LRMDA: variants seen among roughly 807,000 people sequenced by gnomAD.
LRMDA encodes leucine rich melanocyte differentiation associated, also known as leucine-rich melanocyte differentiation-associated protein.
Under a neutral mutation model 29.8 loss-of-function variants are expected in LRMDA, and 18 were observed. That is an observed-to-expected ratio of 0.60 (90% CI 0.42 to 0.90). LRMDA has a LOEUF of 0.90. Ranked by LOEUF, LRMDA falls within the 40% of genes least tolerant of loss-of-function variation. The probability of loss-of-function intolerance (pLI) is 0.00; values close to 1 mark genes in which losing one functional copy is unlikely to be tolerated. For missense variants in LRMDA, 273 were observed against 273.9 expected (o/e 1.00, Z 0.02); for synonymous variants, 125 against 109.4 (o/e 1.14, Z -0.89).
At chr10:75,922,792 C>T (rs147850994) in intron 2 of LRMDA, among the ~76,000 whole-genome samples, 2 of 152,132 alleles carry the variant, frequency 1.3e-5, no homozygotes, top group Admixed American at 6.5e-5. Flanking sequence ...CTGGATCTTA[C>T]CAAAGTACTC....
intron 2 of LRMDA, among the ~76,000 whole-genome samples, chr10:75,467,436 G>A (rs1844666452): frequency 6.6e-6 from 1 of 152,192 alleles, no homozygotes; most frequent in South Asian, 2.1e-4. Flanking sequence ...AGGTGTTTGA[G>A]AAGAAGAAGA....
intron 6 of LRMDA, among the ~76,000 whole-genome samples, chr10:76,400,204 A>G (rs1841834176): frequency 6.6e-6 from 1 of 152,290 alleles, no homozygotes; most frequent in Non-Finnish European, 1.5e-5. Flanking sequence ...CCAGTAAGGA[A>G]CTATGGCCCT....
intron 2 of LRMDA, among the ~76,000 whole-genome samples, chr10:75,511,316 T>C (rs1419988521): frequency 6.6e-6 from 1 of 151,900 alleles, no homozygotes; most frequent in Non-Finnish European, 1.5e-5. Context: ...GCCTGGGCAA[T>C]AGAGTGAGAC....
chr10:76,389,737 G>A (rs1379704295), intron 6 of LRMDA, among the ~76,000 whole-genome samples: 3 of 142,598 alleles, frequency 2.1e-5, no homozygotes, highest in Non-Finnish European at 4.4e-5. Flanking sequence ...GTGGACTTTT[G>A]TGCTTACTTA....
intron 6 of LRMDA, among the ~76,000 whole-genome samples, chr10:76,377,508 G>T (rs1208267069): frequency 1.3e-5 from 2 of 152,022 alleles, no homozygotes; most frequent in Non-Finnish European, 2.9e-5. Flanking sequence ...TTTCTTCTAG[G>T]GTTTTAATAG....
At chr10:75,971,698 G>A (rs1846974083) in intron 2 of LRMDA, among the ~76,000 whole-genome samples, 1 of 152,012 alleles carries the variant, frequency 6.6e-6, no homozygotes, top group South Asian at 2.1e-4. Context: ...TGTTTTTTTA[G>A]TTGCTATTAG....
At chr10:75,742,095 G>A (rs1348939752) in intron 2 of LRMDA, among the ~76,000 whole-genome samples, 5 of 152,300 alleles carry the variant, frequency 3.3e-5, no homozygotes, top group Non-Finnish European at 4.4e-5. Context: ...AGCCACCAGT[G>A]TATGGTGCTT....
intron 2 of LRMDA, among the ~76,000 whole-genome samples, chr10:75,671,800 A>G (rs1841894335): frequency 6.6e-6 from 1 of 152,076 alleles, no homozygotes; most frequent in African/African-American, 2.4e-5. Context: ...AATTAAAAAA[A>G]CCCCTAAGCC....
intron 5 of LRMDA, among the ~76,000 whole-genome samples, chr10:76,167,964 T>G (rs535414235): frequency 3.9e-5 from 6 of 152,268 alleles, no homozygotes; most frequent in African/African-American, 1.4e-4. Context: ...TTTAGAGGTC[T>G]TTCACTTCCC....
At chr10:76,027,499 A>C (rs1030443189) in intron 2 of LRMDA, among the ~76,000 whole-genome samples, 1 of 152,186 alleles carries the variant, frequency 6.6e-6, no homozygotes, top group Non-Finnish European at 1.5e-5. Context: ...TATCTGGGAG[A>C]TATAGATAGG....
intron 2 of LRMDA, among the ~76,000 whole-genome samples, chr10:75,835,027 C>T (rs1436229475): frequency 1.3e-5 from 2 of 152,220 alleles, no homozygotes; most frequent in African/African-American, 4.8e-5. Context: ...TTTGTTACAG[C>T]AGCACTCTAT....
Position 75,957,895 on chromosome 10 carries a change from G to A in LRMDA, c.132-78113G>A, listed in dbSNP as rs188183813. On this transcript the variant is annotated intron_variant, in intron 2 of 6. Transcript: ENST00000611255. ...GTATATGTAATAAATAGCTGTGCTC[G>A]GGTTTGACCTCTCCCTTACCAGACA... Among the ~76,000 whole-genome samples the A allele has an allele frequency of 4.1e-3, 624 of 152,234 alleles. 7 individuals carry two copies. The highest frequency in any genetic ancestry group is 8.0e-3 in the Admixed American group (122 of 15,292).
At chr10:76,076,079 C>T (rs1026641944) in intron 5 of LRMDA, among the ~76,000 whole-genome samples, 9 of 152,150 alleles carry the variant, frequency 5.9e-5, no homozygotes, top group Non-Finnish European at 1.0e-4. Flanking sequence ...CGCGGTGGCT[C>T]ATGCCTGTAA....
intron 2 of LRMDA, among the ~76,000 whole-genome samples, chr10:75,935,302 T>G (rs1846270442): frequency 6.6e-6 from 1 of 152,116 alleles, no homozygotes; most frequent in Admixed American, 6.5e-5. Context: ...GAACAATGAT[T>G]GTGTGGTTGA....
At chr10:75,601,962 G>T (rs1840891890) in intron 2 of LRMDA, among the ~76,000 whole-genome samples, 1 of 152,104 alleles carries the variant, frequency 6.6e-6, no homozygotes, top group African/African-American at 2.4e-5. Flanking sequence ...TTCTTAATGA[G>T]AAAAATACTC....
chr10:76,105,258 A>G (rs1285647545), intron 5 of LRMDA, among the ~76,000 whole-genome samples: 1 of 152,020 alleles, frequency 6.6e-6, no homozygotes, highest in Non-Finnish European at 1.5e-5. Context: ...TAGAATTTAA[A>G]CTCCAAAAGG....
chr10:76,217,934 A>G (rs376172058), intron 5 of LRMDA, among the ~76,000 whole-genome samples: 25 of 152,236 alleles, frequency 1.6e-4, no homozygotes, highest in African/African-American at 6.0e-4. Context: ...TCAAGCTTCT[A>G]CCAGAATCCA....
chr10:76,433,394 C>G (rs1043945962), intron 6 of LRMDA, among the ~76,000 whole-genome samples: 1 of 152,140 alleles, frequency 6.6e-6, no homozygotes, highest in South Asian at 2.1e-4. Flanking sequence ...GGAGCCAGAA[C>G]GAGGCACAGA....
At chr10:75,717,898 C>T (rs1842521100) in intron 2 of LRMDA, among the ~76,000 whole-genome samples, 1 of 151,754 alleles carries the variant, frequency 6.6e-6, no homozygotes, top group Non-Finnish European at 1.5e-5. Context: ...CAACATTTGC[C>T]CTACTTATTG....
Sources: allele counts gnomAD v4.1 joint callset (sites outside exome capture counted in the v4.1 genomes callset), GRCh38; gene constraint gnomAD v4.1.1; transcripts MANE v1.5; gene names NCBI Gene and HGNC (gene_info 2026-07-23, HGNC 2026-07-21).